Variants in COMMD3 observed in about 807,000 individuals in gnomAD.
COMMD3 encodes the protein COMM domain-containing protein 3.
A neutral mutation model predicts 31.2 loss-of-function variants in COMMD3; 31 were observed. The observed-to-expected ratio is 0.99, with a 90% CI of 0.75 to 1.34. The LOEUF is 1.34. COMMD3 is among the 40% of genes most tolerant of loss of function. The probability of loss-of-function intolerance (pLI) is 0.00; values close to 1 mark genes in which losing one functional copy is unlikely to be tolerated. For synonymous variants in COMMD3, 108 were observed against 87.3 expected (o/e 1.24, Z -1.32); for missense variants, 274 against 236.9 (o/e 1.16, Z -1.03).
At position 22,320,177 on chromosome 10, in the gene COMMD3, A is replaced by G. The variant is rs1835940418; in HGVS notation, c.*179A>G. The G allele has an allele frequency of 1.4e-6, 2 of 1,481,454 alleles. No individual in the cohort carries two copies. Among genetic ancestry groups the G allele is most frequent in the Non-Finnish European group, 9.0e-7 (1 of 1,107,278 alleles). The allele number at this position is 1,481,454 out of a possible 1,614,324, so 91.8% of individuals were successfully genotyped here. On this transcript the variant is annotated 3_prime_UTR_variant, in exon 8 of 8. Coordinates refer to ENST00000376836, the MANE Select transcript of COMMD3 (RefSeq NM_012071.4). ...AACGTGTGAAAGGGTTAAGAGGGAA[A>G]GATACTGCCCAAGTATTTGAATCGT...
rs766579010 is a variant in COMMD3 at position 22,320,019 on chromosome 10, G to A, written c.*21G>A. 2.5e-6 allele frequency: 4 copies of A among 1,614,086 alleles called. No homozygotes were observed. The South Asian group carries it at 4.4e-5, about 18-fold the overall frequency. ...TGTAACTTGGGGAAGTTAACGATCC[G>A]CCCGAGTGCAGAGGAAAACCAGAAA... On this transcript the variant is annotated 3_prime_UTR_variant, in exon 8 of 8. Transcript: ENST00000376836.
In COMMD3 at chr10:22,318,160, G is replaced by A. The variant is rs1258606057; in HGVS notation, c.307G>A (p.Glu103Lys). The A allele has an allele frequency of 1.2e-6, 2 of 1,612,182 alleles. No homozygotes were observed. The highest frequency in any genetic ancestry group is 1.1e-5 in the South Asian group (1 of 90,542). ...AGAGCGAATAGAACTGTTTTGCACGGAATATCAGGTTACTTACTTTAAAAT... is the reference window on the plus strand; with the variant it reads ...AGAGCGAATAGAACTGTTTTGCACGAAATATCAGGTTACTTACTTTAAAAT... ...DRERIELFCT[E>K]YQNNKNSLEI... Residue 103 changes from glutamate (E) to lysine (K), a missense_variant, in exon 3 of 8, where the codon GAA (glutamate) becomes AAA (lysine). Physicochemically the swap from Glu to Lys is moderately conservative, Grantham distance 56 (BLOSUM62 1). Coordinates refer to ENST00000376836, the MANE Select transcript of COMMD3 (RefSeq NM_012071.4).
intron 1 of COMMD3, 34 bp downstream of exon 1, chr10:22,316,590 G>T: frequency 1.4e-6 from 2 of 1,462,794 alleles, no homozygotes; most frequent in East Asian, 2.7e-5. Context: ...AGCTGGATCC[G>T]CCGGGGTGGA....
chr10:22,316,469 C>T lies in COMMD3; in HGVS notation c.52C>T (p.Arg18Cys), dbSNP rs11552445. Reference protein sequence around the residue: ...QKGFQMLADPRSFDSNAFTLL... With the variant: ...QKGFQMLADPCSFDSNAFTLL... Reference sequence around the variant, plus strand: ...AGGCTTCCAGATGCTGGCGGATCCCCGCTCCTTCGACTCCAACGCCTTCAC... The same window carrying T: ...AGGCTTCCAGATGCTGGCGGATCCCTGCTCCTTCGACTCCAACGCCTTCAC... The change falls in exon 1 of 8, where the codon CGC becomes TGC. Residue 18 changes from arginine to cysteine, a missense_variant. Coordinates refer to ENST00000376836, the MANE Select transcript of COMMD3 (RefSeq NM_012071.4). The T allele has an allele frequency of 3.2e-5, 50 of 1,550,400 alleles. 1 individual carries two copies. The South Asian group carries it at 4.9e-4, about 15-fold the overall frequency.
intron 7 of COMMD3, chr10:22,319,489 T>C (rs941220074): frequency 6.0e-6 from 1 of 167,338 alleles, no homozygotes; most frequent in African/African-American, 2.4e-5. Context: ...CAAAACTACA[T>C]TTATTAGTGG....
At chr10:22,319,852 G>A in intron 7 of COMMD3, 87 bp from the exon 8 acceptor site, 2 of 1,536,468 alleles carry the variant, frequency 1.3e-6, no homozygotes, top group Non-Finnish European at 1.8e-6. Flanking sequence ...GGTGTGTCCT[G>A]ATTTTTTTTC....
At chr10:22,318,440 G>T in intron 4 of COMMD3, 134 bp downstream of exon 4, 1 of 1,295,830 alleles carries the variant, frequency 7.7e-7, no homozygotes, top group Non-Finnish European at 1.1e-6. Flanking sequence ...AGCAATTGAA[G>T]TTAAGCTCAT....
At position 22,320,030 on chromosome 10, in the gene COMMD3, G is replaced by C. The variant is rs1363155865; in HGVS notation, c.*32G>C. The C allele has an allele frequency of 6.2e-6, 10 of 1,614,138 alleles. No homozygotes were observed. The highest frequency in any genetic ancestry group is 6.8e-6 in the Non-Finnish European group (8 of 1,179,980). On this transcript the variant is annotated 3_prime_UTR_variant, in exon 8 of 8. Coordinates refer to ENST00000376836, the MANE Select transcript of COMMD3 (RefSeq NM_012071.4). Reference sequence around the variant, plus strand: ...GAAGTTAACGATCCGCCCGAGTGCAGAGGAAAACCAGAAACGCCTTGCCTT... The same window carrying C: ...GAAGTTAACGATCCGCCCGAGTGCACAGGAAAACCAGAAACGCCTTGCCTT...
At chr10:22,317,169 G>A (rs146091489) in intron 1 of COMMD3, among the ~76,000 whole-genome samples, 1,606 of 152,318 alleles carry the variant, frequency 0.011, 26 homozygotes, top group African/African-American at 0.037. Flanking sequence ...GATCCGGTCA[G>A]TGACTGCGGA....
At position 22,318,873 on chromosome 10, in the gene COMMD3, A is replaced by G; in HGVS notation, c.468+11A>G. On this transcript the variant is annotated intron_variant, in intron 6 of 7. Coordinates refer to ENST00000376836, the MANE Select transcript of COMMD3 (RefSeq NM_012071.4). ...ACCTTAAGTGTACAGGTATTTATAG[A>G]TAAGTCTTATCCAATAATGAAATTT... is the stretch of plus-strand genomic sequence containing the variant. The G allele has an allele frequency of 1.9e-6, 3 of 1,613,462 alleles. No individual in the cohort carries two copies. The highest frequency in any genetic ancestry group is 2.5e-6 in the Non-Finnish European group (3 of 1,179,544).
At chr10:22,318,068 G>A (rs1328210724) in intron 2 of COMMD3, 37 bp from the exon 3 acceptor site, 1 of 1,605,454 alleles carries the variant, frequency 6.2e-7, no homozygotes, top group African/African-American at 1.3e-5. Context: ...TTTTAAAAAT[G>A]GAGACAGAAC....
chr10:22,319,444 A>G (rs772620354), intron 7 of COMMD3: 2 of 169,624 alleles, frequency 1.2e-5, no homozygotes, highest in African/African-American at 4.8e-5. Flanking sequence ...ACATTCTAAA[A>G]CTGTTTATAT....
intron 6 of COMMD3, 45 bp downstream of exon 6, chr10:22,318,907 A>G (rs1835905246): frequency 2.5e-6 from 4 of 1,611,524 alleles, no homozygotes; most frequent in South Asian, 2.2e-5. Context: ...TTATAATTTC[A>G]TTGATTTAAA....
At chr10:22,318,614 TGAG>T in intron 4 of COMMD3, 36 bp from the exon 5 acceptor site, 2 of 1,558,678 alleles carry the variant, frequency 1.3e-6, no homozygotes, top group Admixed American at 1.7e-5. Context: ...AAAGTTCTTC[TGAG>T]GAGACTATGT....
In COMMD3 at chr10:22,320,104, G is replaced by T. The variant is rs199507831; in HGVS notation, c.*106G>T. The T allele has an allele frequency of 2.2e-4, 346 of 1,599,214 alleles. No homozygotes were observed. The highest frequency in any genetic ancestry group is 2.6e-4 in the Non-Finnish European group (310 of 1,172,310). ...GCTGGATGTCCTTTTCAGTAGAAAAGAATTTTCCTTTTGAATTTATACCAT... is the reference window on the plus strand; with the variant it reads ...GCTGGATGTCCTTTTCAGTAGAAAATAATTTTCCTTTTGAATTTATACCAT... On this transcript the variant is annotated 3_prime_UTR_variant, in exon 8 of 8. Coordinates refer to ENST00000376836, the MANE Select transcript of COMMD3 (RefSeq NM_012071.4).
intron 1 of COMMD3, 62 bp downstream of exon 1, chr10:22,316,618 G>A: frequency 7.1e-7 from 1 of 1,409,126 alleles, no homozygotes. Flanking sequence ...TCGGAGAAGA[G>A]GAGCCGGCGG....
At chr10:22,316,730 T>C in intron 1 of COMMD3, 174 bp downstream of exon 1, 1 of 1,217,526 alleles carries the variant, frequency 8.2e-7, no homozygotes, top group Non-Finnish European at 1.1e-6. Context: ...CGGAGCAGAC[T>C]CTGAGCATTG....
In COMMD3 at chr10:22,318,694, G is replaced by T. The variant is rs772387220; in HGVS notation, c.392G>T (p.Arg131Leu). 1.3e-5 allele frequency: 21 copies of T among 1,613,202 alleles called. No homozygotes were observed. The stretch of plus-strand genomic sequence containing the variant: ...CCTCATATAACGGATGTTTCTTGGC[G>T]CTTGGAATATCAGATAAAGGTAAAG... Reference protein sequence around the residue: ...SLPHITDVSWRLEYQIKTNQL... With the variant: ...SLPHITDVSWLLEYQIKTNQL... The change falls in exon 5 of 8, where the codon CGC (arginine) becomes CTC (leucine). Residue 131 changes from arginine (R) to leucine (L), a missense_variant. Physicochemically the swap from Arg to Leu is moderately radical, Grantham distance 102. Transcript: ENST00000376836.
At position 22,318,794 on chromosome 10, in the gene COMMD3, G is replaced by A. The variant is rs74123011; in HGVS notation, c.412-12G>A. On this transcript the variant is annotated splice_polypyrimidine_tract_variant and intron_variant, in intron 5 of 7. Coordinates refer to ENST00000376836, the MANE Select transcript of COMMD3 (RefSeq NM_012071.4). ...AGTTAAAAGCTGTTGCGTGTTTGTT[G>A]TGTTATTTTAGACCAATCAACTTCA... 1,229 of 1,613,942 alleles carry A rather than the reference G, an allele frequency of 7.6e-4. 7 individuals are homozygous for A. In the African/African-American group the frequency reaches 0.015, roughly 19 times the overall value.
Sources: allele counts gnomAD v4.1 joint callset (sites outside exome capture counted in the v4.1 genomes callset), GRCh38; gene constraint gnomAD v4.1.1; transcripts MANE v1.5; gene names NCBI Gene and HGNC (gene_info 2026-07-23, HGNC 2026-07-21).